Variants in RUNX1T1 observed in about 807,000 individuals in gnomAD.
RUNX1T1 encodes RUNX1 partner transcriptional co-repressor 1, also known as protein CBFA2T1.
Under a neutral mutation model 62.8 loss-of-function variants are expected in RUNX1T1, and 4 were observed. That is an observed-to-expected ratio of 0.06 (90% CI 0.03 to 0.15). The LOEUF is 0.15. Among genes scored for constraint, RUNX1T1 ranks in the 10% least tolerant of loss-of-function variants. The pLI is 1.00. For synonymous variants in RUNX1T1, 291 were observed against 286.0 expected (o/e 1.02, Z -0.18); for missense variants, 508 against 754.3 (o/e 0.67, Z 3.82).
chr8:91,972,715 A>C (rs1813107502), intron 9 of RUNX1T1, among the ~76,000 whole-genome samples: 1 of 152,114 alleles, frequency 6.6e-6, no homozygotes, highest in South Asian at 2.1e-4. Flanking sequence ...CAAATCAGGC[A>C]ATTTACATTT....
chr8:92,012,177 G>C (rs7004147), intron 3 of RUNX1T1, among the ~76,000 whole-genome samples: 35,399 of 152,114 alleles, frequency 0.23, 4,359 homozygotes, highest in African/African-American at 0.31. Flanking sequence ...AACTTCCTAT[G>C]TGTAACAATA....
intron 1 of RUNX1T1, among the ~76,000 whole-genome samples, chr8:92,051,392 C>T (rs1400640435): frequency 1.3e-5 from 2 of 151,404 alleles, no homozygotes; most frequent in African/African-American, 4.9e-5. Context: ...TTTTAAGTGC[C>T]GTACGTGAAA....
chr8:91,967,612 C>G (rs1313542172), intron 10 of RUNX1T1, among the ~76,000 whole-genome samples: 1 of 152,178 alleles, frequency 6.6e-6, no homozygotes, highest in African/African-American at 2.4e-5. Flanking sequence ...TCAGAAATTA[C>G]AGAGAGAAGA....
chr8:92,095,574 G>C, intron 1 of RUNX1T1: 2 of 1,446,882 alleles, frequency 1.4e-6, no homozygotes, highest in South Asian at 2.9e-5. Flanking sequence ...AAAATAAACA[G>C]AGGGTGCGTG....
rs1239294685 is a variant in RUNX1T1 at position 92,060,551 on chromosome 8, A to ATGTGTGTG, written c.7+1994_7+1995insCACACACA. On this transcript the variant is annotated intron_variant, in intron 1 of 10. Transcript: ENST00000396218. ...TATATATATATATATATATATATATATATGTGTGTGTGTGTGTGTGTGTGT... is the reference window on the plus strand; with the variant it reads ...TATATATATATATATATATATATATATGTGTGTGTATGTGTGTGTGTGTGTGTGTGTGT... 1.4e-3 allele frequency among the ~76,000 whole-genome samples: 135 copies of ATGTGTGTG among 95,310 alleles called. 1 individual carries two copies. The highest frequency in any genetic ancestry group is 5.1e-3 in the African/African-American group (130 of 25,734). 62.5% of individuals were successfully genotyped at this position (95,310 alleles called of 152,430 possible). A position where few individuals can be genotyped will look rare whatever the true frequency, so the allele number is the denominator to read the frequency against.
intron 1 of RUNX1T1, among the ~76,000 whole-genome samples, chr8:92,018,656 GA>G (rs1823487077): frequency 6.6e-6 from 1 of 152,120 alleles, no homozygotes; most frequent in South Asian, 2.1e-4. Context: ...GAAAGAAAAA[GA>G]AAAACCCAAA....
chr8:92,046,989 T>C (rs1049460444), intron 1 of RUNX1T1, among the ~76,000 whole-genome samples: 7 of 152,186 alleles, frequency 4.6e-5, no homozygotes, highest in Non-Finnish European at 7.3e-5. Context: ...CATCTGATTT[T>C]ATGACATTAT....
At chr8:92,099,114 T>A (rs1262837664) in intron 1 of RUNX1T1, among the ~76,000 whole-genome samples, 1 of 152,198 alleles carries the variant, frequency 6.6e-6, no homozygotes, top group Non-Finnish European at 1.5e-5. Flanking sequence ...TTATTTTGCA[T>A]AAATAGAGTC....
rs1038189425 is a variant in RUNX1T1, at chr8:92,095,269, G to A, written c.-86+4311C>T. ...AGGGAGAGAGGGAGAGAGAAAAGCC[G>A]CCTCCCCACGCCCCCCTTCCTCCTG... On this transcript the variant is annotated intron_variant, in intron 1 of 11. Transcript: ENST00000265814. 9.2e-6 allele frequency: 14 copies of A among 1,515,760 alleles called. No homozygotes were observed. In the Admixed American group the frequency reaches 1.6e-4, roughly 18 times the overall value. 93.9% of individuals were successfully genotyped at this position (1,515,760 alleles called of 1,614,324 possible).
intron 1 of RUNX1T1, among the ~76,000 whole-genome samples, chr8:92,086,543 A>T (rs571425499): frequency 1.3e-5 from 2 of 152,340 alleles, no homozygotes; most frequent in East Asian, 3.9e-4. Context: ...ACCACTTGAC[A>T]GCCCTGTCAC....
In RUNX1T1 at chr8:92,095,214, T is replaced by C. The variant is rs1183243966; in HGVS notation, c.-86+4366A>G. 3.3e-6 allele frequency: 5 copies of C among 1,534,122 alleles called. No homozygotes were observed. The South Asian group carries it at 4.8e-5, about 15-fold the overall frequency. Reference sequence around the variant, plus strand: ...TAACATGTTACATCTTCACTTCTCCTGGTCTTATCGACTTCTGAATCATTT... The same window carrying C: ...TAACATGTTACATCTTCACTTCTCCCGGTCTTATCGACTTCTGAATCATTT... On this transcript the variant is annotated intron_variant, in intron 1 of 11. Coordinates refer to the RUNX1T1 transcript ENST00000265814.
intron 1 of RUNX1T1, among the ~76,000 whole-genome samples, chr8:92,083,771 G>A (rs1835660356): frequency 6.6e-6 from 1 of 152,162 alleles, no homozygotes; most frequent in Non-Finnish European, 1.5e-5. Context: ...AGGATTGTAA[G>A]TCATTCTACT....
intron 5 of RUNX1T1, among the ~76,000 whole-genome samples, chr8:92,002,458 A>T (rs1290063695): frequency 6.6e-6 from 1 of 152,218 alleles, no homozygotes; most frequent in Admixed American, 6.5e-5. Flanking sequence ...GGACAAGAAG[A>T]AAGTTAAATT....
chr8:92,036,037 G>A (rs1827353921), intron 1 of RUNX1T1, among the ~76,000 whole-genome samples: 1 of 152,106 alleles, frequency 6.6e-6, no homozygotes, highest in South Asian at 2.1e-4. Context: ...TATTTATACT[G>A]TAAATATGGG....
intron 2 of RUNX1T1, among the ~76,000 whole-genome samples, 174 bp downstream of exon 2, chr8:92,075,791 C>T (rs1200185797): frequency 6.6e-6 from 1 of 152,116 alleles, no homozygotes; most frequent in Admixed American, 6.6e-5. Flanking sequence ...GATCCCCACC[C>T]AATCCCCACA....
chr8:92,001,737 A>G (rs770191429), intron 5 of RUNX1T1, among the ~76,000 whole-genome samples: 11 of 152,258 alleles, frequency 7.2e-5, no homozygotes, highest in Non-Finnish European at 1.6e-4. Flanking sequence ...GAAAAGTAGC[A>G]TAACAGGTGA....
intron 9 of RUNX1T1, among the ~76,000 whole-genome samples, chr8:91,973,249 T>C (rs1813224866): frequency 6.6e-6 from 1 of 151,796 alleles, no homozygotes; most frequent in African/African-American, 2.4e-5. Context: ...TAGAAATATA[T>C]ATATATTTAA....
rs546334464 is a variant in RUNX1T1, at chr8:92,083,872, G to A, written c.-85-7735C>T. ...CCCAAACGCCCATCAATGACAGACC[G>A]GATAAAGAAAATGTGGCACATATCC... On this transcript the variant is annotated intron_variant, in intron 1 of 11. Transcript: ENST00000265814. Among the ~76,000 whole-genome samples the A allele has an allele frequency of 4.8e-4, 73 of 152,238 alleles. 1 individual carries two copies. In the South Asian group the frequency reaches 0.011, roughly 24 times the overall value.
chr8:92,098,059 C>T (rs2130947537), intron 1 of RUNX1T1, among the ~76,000 whole-genome samples: 1 of 152,246 alleles, frequency 6.6e-6, no homozygotes, highest in Middle Eastern at 3.4e-3. Flanking sequence ...GGAAGAAGTC[C>T]ATCTGCCCCA....
Sources: gnomAD v4.1 joint callset for allele counts (sites outside exome capture counted in the v4.1 genomes callset) on GRCh38, gnomAD v4.1.1 for gene constraint, MANE v1.5 for transcripts, NCBI Gene and HGNC (gene_info 2026-07-23, HGNC 2026-07-21) for gene names.